RIT2: variants seen among roughly 807,000 people sequenced by gnomAD.
RIT2 encodes the protein GTP-binding protein Rit2.
In RIT2, 24 loss-of-function variants were observed where a neutral mutation model predicts 23.7. The observed-to-expected ratio is 1.01, with a 90% CI of 0.73 to 1.43. The LOEUF (loss-of-function observed/expected upper bound fraction) is 1.43, where lower values mean the gene tolerates loss of function less well. Ranked by LOEUF, RIT2 falls within the 40% of genes most tolerant of loss-of-function variation. The pLI, the probability that RIT2 is intolerant of heterozygous loss-of-function variation, is 0.00. For missense variants in RIT2, 236 were observed against 266.9 expected (o/e 0.88, Z 0.81); for synonymous variants, 107 against 91.1 (o/e 1.17, Z -0.99).
chr18:42,904,933 T>G (rs1457493952), intron 4 of RIT2, among the ~76,000 whole-genome samples: 2 of 152,178 alleles, frequency 1.3e-5, no homozygotes, highest in Non-Finnish European at 2.9e-5. Context: ...GAGCAAAAAC[T>G]GTAAATTCAA....
chr18:42,961,649 A>G (rs1910095770), intron 3 of RIT2, among the ~76,000 whole-genome samples: 1 of 152,174 alleles, frequency 6.6e-6, no homozygotes, highest in Non-Finnish European at 1.5e-5. Context: ...AAGATGTGTG[A>G]CCCCTATTAA....
At chr18:42,939,927 A>G (rs1003578980) in intron 3 of RIT2, among the ~76,000 whole-genome samples, 1 of 152,012 alleles carries the variant, frequency 6.6e-6, no homozygotes, top group Non-Finnish European at 1.5e-5. Context: ...AATTTCATAC[A>G]TGTACACGGC....
chr18:42,855,075 G>A (rs1431508857), intron 4 of RIT2, among the ~76,000 whole-genome samples: 1 of 151,928 alleles, frequency 6.6e-6, no homozygotes, highest in East Asian at 1.9e-4. Context: ...AAATCAGGTG[G>A]GAAATCAGTC....
At chr18:42,811,840 G>A (rs1252590901) in intron 4 of RIT2, among the ~76,000 whole-genome samples, 2 of 151,966 alleles carry the variant, frequency 1.3e-5, no homozygotes, top group African/African-American at 4.8e-5. Flanking sequence ...AAATAAATGA[G>A]CAAATATCAT....
intron 4 of RIT2, among the ~76,000 whole-genome samples, chr18:42,767,099 T>TGTGC (rs1405380112): frequency 3.9e-5 from 6 of 152,052 alleles, no homozygotes; most frequent in African/African-American, 1.4e-4. Flanking sequence ...CCACACAGAG[T>TGTGC]CCCTACTGGG....
At chr18:42,905,211 T>G (rs542988471) in intron 4 of RIT2, among the ~76,000 whole-genome samples, 1 of 152,258 alleles carries the variant, frequency 6.6e-6, no homozygotes, top group Admixed American at 6.5e-5. Context: ...ATAGATAATT[T>G]TAATATATTC....
intron 2 of RIT2, among the ~76,000 whole-genome samples, chr18:42,989,394 A>G (rs376028149): frequency 6.6e-6 from 1 of 152,214 alleles, no homozygotes; most frequent in East Asian, 1.9e-4. Context: ...TGCAACAGAA[A>G]TACAATATGA....
chr18:42,747,022 A>G (rs546302134), intron 4 of RIT2, among the ~76,000 whole-genome samples: 1 of 152,126 alleles, frequency 6.6e-6, no homozygotes, highest in South Asian at 2.1e-4. Flanking sequence ...TATCCCTCCT[A>G]TTCAACATAG....
chr18:42,936,119 T>C (rs1299362890), intron 3 of RIT2, among the ~76,000 whole-genome samples: 1 of 152,006 alleles, frequency 6.6e-6, no homozygotes, highest in Non-Finnish European at 1.5e-5. Context: ...AAATTGGCCT[T>C]AGAGTCTCTG....
At chr18:43,082,512 T>C (rs1913181094) in intron 1 of RIT2, among the ~76,000 whole-genome samples, 1 of 152,088 alleles carries the variant, frequency 6.6e-6, no homozygotes. Flanking sequence ...CAGCAGCATA[T>C]CAAAATGCTT....
intron 2 of RIT2, among the ~76,000 whole-genome samples, chr18:43,021,685 T>C (rs1403277643): frequency 2.6e-5 from 4 of 152,110 alleles, no homozygotes; most frequent in African/African-American, 9.7e-5. Flanking sequence ...GCTCCAGCCA[T>C]GTAAAACGTG....
chr18:43,051,609 C>A (rs1451236100), intron 1 of RIT2, among the ~76,000 whole-genome samples: 1 of 152,038 alleles, frequency 6.6e-6, no homozygotes, highest in Admixed American at 6.6e-5. Context: ...TATACTATAA[C>A]TTAAATGTAT....
intron 4 of RIT2, among the ~76,000 whole-genome samples, chr18:42,849,228 C>T (rs942358287): frequency 6.6e-6 from 1 of 152,134 alleles, no homozygotes; most frequent in Non-Finnish European, 1.5e-5. Context: ...GTCTAAAATT[C>T]AATATTTATA....
chr18:43,074,844 G>A (rs983575357), intron 1 of RIT2, among the ~76,000 whole-genome samples: 1 of 152,188 alleles, frequency 6.6e-6, no homozygotes, highest in Non-Finnish European at 1.5e-5. Context: ...GGAGCTGAAC[G>A]ATGAGAACAC....
At chr18:42,848,637 C>T (rs1906970846) in intron 4 of RIT2, among the ~76,000 whole-genome samples, 1 of 152,058 alleles carries the variant, frequency 6.6e-6, no homozygotes, top group Non-Finnish European at 1.5e-5. Context: ...TGAACTAGCC[C>T]AGGTTATAAA....
chr18:42,945,455 G>A (rs76000633), intron 3 of RIT2, among the ~76,000 whole-genome samples: 167 of 152,082 alleles, frequency 1.1e-3, no homozygotes, highest in Middle Eastern at 0.01. Flanking sequence ...ACATAGACTG[G>A]CAAAGATCCA....
At chr18:42,780,164 T>C (rs192471886) in intron 4 of RIT2, among the ~76,000 whole-genome samples, 16 of 150,838 alleles carry the variant, frequency 1.1e-4, no homozygotes, top group African/African-American at 3.9e-4. Context: ...TGATTTTATA[T>C]ATTTTAGGGA....
intron 1 of RIT2, among the ~76,000 whole-genome samples, chr18:43,076,199 G>A (rs1009735245): frequency 2.0e-5 from 3 of 152,122 alleles, no homozygotes; most frequent in Non-Finnish European, 4.4e-5. Context: ...AGCTTAAAAC[G>A]TTACTACTGA....
chr18:42,891,433 T>C (rs1051520602), intron 4 of RIT2, among the ~76,000 whole-genome samples: 7 of 152,156 alleles, frequency 4.6e-5, no homozygotes, highest in African/African-American at 1.7e-4. Context: ...AAAAATGTCA[T>C]TCAATGTCCA....
Sources: allele counts gnomAD v4.1 joint callset (sites outside exome capture counted in the v4.1 genomes callset), GRCh38; gene constraint gnomAD v4.1.1; transcripts MANE v1.5; gene names NCBI Gene and HGNC (gene_info 2026-07-23, HGNC 2026-07-21).